The following DHRSX variants were observed in gnomAD, a reference collection of about 807,000 sequenced individuals.
The protein encoded by DHRSX is dehydrogenase/reductase X-linked, also known as polyprenol dehydrogenase.
In DHRSX, 31 loss-of-function variants were observed where a neutral mutation model predicts 34.0. The observed-to-expected ratio is 0.91, with a 90% CI of 0.69 to 1.23. DHRSX has a LOEUF of 1.23. DHRSX is among the 50% of genes most tolerant of loss of function. The pLI, the probability that DHRSX is intolerant of heterozygous loss-of-function variation, is 0.00. For synonymous variants in DHRSX, 201 were observed against 183.8 expected, an observed-to-expected ratio of 1.09 and a Z score of -0.76; for missense variants, 414 against 428.1, an observed-to-expected ratio of 0.97 and a Z score of 0.29.
chrX:2,423,523 T>C (rs1028374958), intron 2 of DHRSX, among the ~76,000 whole-genome samples: 2 of 152,094 alleles, frequency 1.3e-5, no homozygotes, highest in African/African-American at 2.4e-5. Flanking sequence ...GCCCAGGAGT[T>C]TGAGGTTGCA....
chrX:2,494,815 T>C (rs1458331670), intron 1 of DHRSX, among the ~76,000 whole-genome samples: 1 of 151,936 alleles, frequency 6.6e-6, no homozygotes, highest in East Asian at 1.9e-4. Context: ...GAAAAGTTTA[T>C]ATTCTATTAT....
chrX:2,454,249 G>A (rs994720164), intron 1 of DHRSX, among the ~76,000 whole-genome samples: 20 of 152,170 alleles, frequency 1.3e-4, no homozygotes, highest in African/African-American at 3.1e-4. Context: ...ACACTGGGCC[G>A]GGCGCTGTGA....
At chrX:2,257,553 C>T (rs183312111) in intron 5 of DHRSX, among the ~76,000 whole-genome samples, 1 of 152,314 alleles carries the variant, frequency 6.6e-6, no homozygotes, top group Admixed American at 6.5e-5. Context: ...TGAATTACGT[C>T]TCCCCAGATT....
intron 5 of DHRSX, among the ~76,000 whole-genome samples, chrX:2,248,591 C>A (rs781040867): frequency 8.3e-6 from 1 of 120,306 alleles, no homozygotes; most frequent in Non-Finnish European, 1.6e-5. Context: ...CCAGCCAGGG[C>A]GACAAGAGCA....
rs764626809 is a variant in DHRSX, at chrX:2,396,080, G to T, written c.286+12665C>A. Among the ~76,000 whole-genome samples the T allele has an allele frequency of 1.1e-3, 174 of 152,178 alleles. 1 individual carries two copies. Among genetic ancestry groups the T allele is most frequent in the African/African-American group, 3.7e-3 (153 of 41,520 alleles). On this transcript the variant is annotated intron_variant, in intron 3 of 6. Coordinates refer to ENST00000334651, the MANE Select transcript of DHRSX (RefSeq NM_145177.3). The stretch of plus-strand genomic sequence containing the variant: ...CCTCTCCTAGTTCCTGGGGGCTCCA[G>T]GAGTCCCTGGGTTTGTGGCCGCATC...
chrX:2,318,721 C>G (rs906124044), intron 3 of DHRSX, among the ~76,000 whole-genome samples: 2 of 151,910 alleles, frequency 1.3e-5, no homozygotes, highest in African/African-American at 4.8e-5. Flanking sequence ...CCTTGTTTCG[C>G]ACAGAATCAA....
intron 1 of DHRSX, among the ~76,000 whole-genome samples, chrX:2,495,601 T>C (rs1023144832): frequency 2.7e-5 from 4 of 145,556 alleles, no homozygotes; most frequent in South Asian, 2.2e-4. Flanking sequence ...GGGTTCCACC[T>C]GAACCCACGT....
intron 1 of DHRSX, among the ~76,000 whole-genome samples, chrX:2,465,955 C>T (rs1206239830): frequency 6.6e-6 from 1 of 152,178 alleles, no homozygotes; most frequent in Admixed American, 6.5e-5. Context: ...AATTGCAATT[C>T]GAATGACTCC....
intron 6 of DHRSX, among the ~76,000 whole-genome samples, chrX:2,228,850 T>G (rs2124404799): frequency 6.6e-6 from 1 of 152,258 alleles, no homozygotes; most frequent in South Asian, 2.1e-4. Context: ...TTAACTTGTA[T>G]TAGACATGCT....
chrX:2,379,229 C>T (rs2043176785), intron 3 of DHRSX, among the ~76,000 whole-genome samples: 1 of 152,092 alleles, frequency 6.6e-6, no homozygotes, highest in Admixed American at 6.6e-5. Flanking sequence ...GAAAGAAGAA[C>T]ATGAAGAAAA....
chrX:2,460,200 C>A (rs1264834915), intron 1 of DHRSX, among the ~76,000 whole-genome samples: 1 of 152,096 alleles, frequency 6.6e-6, no homozygotes, highest in Non-Finnish European at 1.5e-5. Flanking sequence ...TCTCACAAAG[C>A]GGCGAGTGTT....
chrX:2,428,528 C>CCAAA (rs1211706746), intron 1 of DHRSX, among the ~76,000 whole-genome samples: 1 of 152,042 alleles, frequency 6.6e-6, no homozygotes. Flanking sequence ...GAACAGAAAA[C>CCAAA]CAAACACCAC....
chrX:2,459,602 TAC>T (rs1207047065), intron 1 of DHRSX, among the ~76,000 whole-genome samples: 37 of 148,998 alleles, frequency 2.5e-4, no homozygotes, highest in Non-Finnish European at 4.0e-4. Flanking sequence ...AATATATATA[TAC>T]ACACACACAC....
chrX:2,333,349 C>T (rs1430211333), intron 3 of DHRSX, among the ~76,000 whole-genome samples: 1 of 152,092 alleles, frequency 6.6e-6, no homozygotes, highest in Non-Finnish European at 1.5e-5. Context: ...AGGTTTGTTG[C>T]ACAGGCAAAT....
intron 3 of DHRSX, among the ~76,000 whole-genome samples, chrX:2,327,674 G>A (rs1317341864): frequency 2.0e-5 from 3 of 152,126 alleles, no homozygotes; most frequent in South Asian, 2.1e-4. Flanking sequence ...AAGCCCTAAC[G>A]CCCAGGACCT....
chrX:2,290,389 A>G (rs901043129), intron 4 of DHRSX, among the ~76,000 whole-genome samples: 4 of 152,206 alleles, frequency 2.6e-5, no homozygotes, highest in African/African-American at 9.7e-5. Flanking sequence ...CTCCCTCCTT[A>G]CAGACATGTC....
At chrX:2,425,333 A>G (rs1209337260) in intron 1 of DHRSX, 29 bp from the exon 2 acceptor site, 1 of 1,577,532 alleles carries the variant, frequency 6.3e-7, no homozygotes, top group Non-Finnish European at 8.7e-7. Flanking sequence ...AAATCATCAA[A>G]CTAAGATTTG....
At chrX:2,282,581 A>AGAGAGAGAAGAAAGACGG (rs1556449139) in intron 4 of DHRSX, among the ~76,000 whole-genome samples, 5 of 100,040 alleles carry the variant, frequency 5.0e-5, no homozygotes, top group African/African-American at 1.5e-4. Flanking sequence ...ACAGAAAGGG[A>AGAGAGAGAAGAAAGACGG]GAGAGAGAAG....
intron 1 of DHRSX, among the ~76,000 whole-genome samples, chrX:2,451,194 C>T (rs932855078): frequency 2.0e-5 from 3 of 150,194 alleles, no homozygotes; most frequent in Non-Finnish European, 4.4e-5. Flanking sequence ...GATCACAGCA[C>T]TGCACTCCAG....
Sources: gnomAD v4.1 joint callset for allele counts (sites outside exome capture counted in the v4.1 genomes callset) on GRCh38, gnomAD v4.1.1 for gene constraint, MANE v1.5 for transcripts, NCBI Gene and HGNC (gene_info 2026-07-23, HGNC 2026-07-21) for gene names.